The following NES variants were observed in gnomAD, a reference collection of about 807,000 sequenced individuals.
NES encodes the protein nestin.
Under a neutral mutation model 35.6 loss-of-function variants are expected in NES, and 27 were observed. That is an observed-to-expected ratio of 0.76 (90% CI 0.56 to 1.04). The LOEUF is 1.04. Among genes scored for constraint, NES ranks in the 50% least tolerant of loss-of-function variants. NES has a pLI of 0.00. For missense variants in NES, 1,867 were observed against 1,983.6 expected (o/e 0.94, Z 1.12); for synonymous variants, 822 against 824.2 (o/e 1.00, Z 0.04).
rs768658427 is a variant in NES at position 156,669,741 on chromosome 1, T to C, written c.4447A>G (p.Thr1483Ala). The change falls in exon 4 of 4, where the codon ACT becomes GCT. Residue 1483 changes from threonine (T) to alanine (A), a missense_variant. Thr to Ala is a moderately conservative substitution (Grantham distance 58). Transcript: ENST00000368223. ...TCCTGGGACTCCGTTTCCAGGGCAG[T>C]CTTGGGGGCACCAGCCACTGCACCC... Reference protein sequence around the residue: ...LRGAVAGAPKTALETESQDSA... With the variant: ...LRGAVAGAPKAALETESQDSA... 1.9e-6 allele frequency: 3 copies of C among 1,613,974 alleles called. No individual in the cohort carries two copies. The highest frequency in any genetic ancestry group is 1.7e-5 in the Admixed American group (1 of 60,018).
At position 156,670,662 on chromosome 1, in the gene NES, C is replaced by T. The variant is rs762255372; in HGVS notation, c.3526G>A (p.Glu1176Lys). The change falls in exon 4 of 4, where the codon GAG becomes AAG. Residue 1176 changes from glutamate to lysine, a missense_variant. Physicochemically the swap from Glu to Lys is moderately conservative, Grantham distance 56. Coordinates refer to ENST00000368223, the MANE Select transcript of NES (RefSeq NM_006617.2). ...TCTGCTCCCCTGGGGGCCTCAGCCTCTGACTCCTCCCTACCCTCCCTGGGA... is the reference window on the plus strand; with the variant it reads ...TCTGCTCCCCTGGGGGCCTCAGCCTTTGACTCCTCCCTACCCTCCCTGGGA... ...EPPREGREES[E>K]AEAPRGAEEA... 3 of 1,613,772 alleles carry T rather than the reference C, an allele frequency of 1.9e-6. No individual in the cohort carries two copies. The highest frequency in any genetic ancestry group is 2.2e-5 in the South Asian group (2 of 91,082).
Position 156,669,897 on chromosome 1 carries a change from C to A in NES, c.4291G>T (p.Glu1431Ter). Residue 1431 changes from glutamate (E) to a stop codon, truncating the protein, a stop_gained, in exon 4 of 4, where the codon GAG (glutamate) becomes TAG (stop). Coordinates refer to ENST00000368223, the MANE Select transcript of NES (RefSeq NM_006617.2). LOFTEE classifies it low-confidence loss of function (END_TRUNC). ...GGCCCCCACCGCCCAGCCCCTGGCT[C>A]CCTCCCCTCCTCCTGATCCTCCTCT... ...EGEEDQEEGR[E>*]PGAGRWGPGS... 6.2e-7 allele frequency: 1 copy of A among 1,608,790 alleles called. No homozygotes were observed. Among genetic ancestry groups the A allele is most frequent in the Non-Finnish European group, 8.5e-7 (1 of 1,175,532 alleles).
chr1:156,670,865 AGCCCT>A lies in NES; in HGVS notation c.3318_3322del (p.Leu1108GlyfsTer32). 3.7e-6 allele frequency: 3 copies of A among 808,862 alleles called. No homozygotes were observed. Among genetic ancestry groups the A allele is most frequent in the Non-Finnish European group, 6.0e-6 (3 of 500,690 alleles). The allele number at this position is 808,862 out of a possible 1,614,324, so 50.1% of individuals were successfully genotyped here. On this transcript the variant is annotated frameshift_variant, in exon 4 of 4. Coordinates refer to ENST00000368223, the MANE Select transcript of NES (RefSeq NM_006617.2). LOFTEE classifies it low-confidence loss of function (END_TRUNC). ...CCTGGTCAGATGGCCTGGGTCCCCCAGCCCTCCCACCCCCTGCCCCGGGCCTGGCT... is the reference window on the plus strand; with the variant it reads ...CCTGGTCAGATGGCCTGGGTCCCCCACCCACCCCCTGCCCCGGGCCTGGCT...
At position 156,676,425 on chromosome 1, in the gene NES, A is replaced by T. The variant is rs1647291539; in HGVS notation, c.783+57T>A. On this transcript the variant is annotated intron_variant, in intron 1 of 3. Transcript: ENST00000368223. The surrounding 1 kb of genome is among the most constrained non-coding windows in gnomAD (Gnocchi z 5.3). ...TCCCAGAAGGTCTCTGAGCTTCATA[A>T]GGGACTTTCTGGAGCTTTCTGGGAC... is the stretch of plus-strand genomic sequence containing the variant. 6.4e-7 allele frequency: 1 copy of T among 1,564,158 alleles called. No homozygotes were observed. Among genetic ancestry groups the T allele is most frequent in the African/African-American group, 1.4e-5 (1 of 73,962 alleles).
rs776547016 is a variant in NES, at chr1:156,676,561, A to T, written c.704T>A (p.Leu235His). The T allele has an allele frequency of 6.3e-7, 1 of 1,591,936 alleles. No individual in the cohort carries two copies. Among genetic ancestry groups the T allele is most frequent in the Non-Finnish European group, 8.5e-7 (1 of 1,176,796 alleles). The change falls in exon 1 of 4, where the codon CTC becomes CAC. Residue 235 changes from leucine (L) to histidine (H), a missense_variant. Transcript: ENST00000368223. The surrounding 1 kb of genome is among the most constrained non-coding windows in gnomAD (Gnocchi z 5.3). ...TTCCAACGCTGCCCTGCGCTCCAGG[A>T]GGCCTCCGCGCTCAGCCTGGAGCTG... ...LQQLQAERGG[L>H]LERRAALEQR...
rs1351607063 is a variant in NES, at chr1:156,669,190, GCCT to G, written c.*129_*131del. The G allele has an allele frequency of 2.2e-5, 13 of 596,106 alleles. No individual in the cohort carries two copies. In the South Asian group the frequency reaches 4.4e-4, roughly 20 times the overall value. The allele number at this position is 596,106 out of a possible 1,614,324, so 36.9% of individuals were successfully genotyped here. ...ACCCCTTTTCACCTTAGCGGGCCAG[GCCT>G]CTCAGCCAGAAACCATATGTCAAGA... On this transcript the variant is annotated 3_prime_UTR_variant, in exon 4 of 4. Transcript: ENST00000368223.
rs1388131705 is a variant in NES at position 156,672,141 on chromosome 1, C to T, written c.2047G>A (p.Val683Ile). The T allele has an allele frequency of 6.2e-7, 1 of 1,612,154 alleles. No homozygotes were observed. Residue 683 changes from valine to isoleucine, a missense_variant, in exon 4 of 4, where the codon GTA becomes ATA. Physicochemically the swap from Val to Ile is conservative, Grantham distance 29 (BLOSUM62 3). Coordinates refer to ENST00000368223, the MANE Select transcript of NES (RefSeq NM_006617.2). ...GGTCTCAGTGCCTCCTCATCCCCTACTTCTGGAGATCTCAGTGGCTCTTGA... is the reference window on the plus strand; with the variant it reads ...GGTCTCAGTGCCTCCTCATCCCCTATTTCTGGAGATCTCAGTGGCTCTTGA... ...ENQEPLRSPE[V>I]GDEEALRPLT...
rs760544414 is a variant in NES at position 156,670,289 on chromosome 1, G to A, written c.3899C>T (p.Pro1300Leu). The A allele has an allele frequency of 1.9e-6, 3 of 1,611,732 alleles. No individual in the cohort carries two copies. Among genetic ancestry groups the A allele is most frequent in the East Asian group, 2.2e-5 (1 of 44,852 alleles). ...ELGETLPDSTPLGFYLRSPTS... is the reference protein window; with the variant it reads ...ELGETLPDSTLLGFYLRSPTS... Reference sequence around the variant, plus strand: ...GGGGGACCTGAGGTAGAAGCCCAGGGGAGTGGAGTCTGGAAGGGTCTCCCC... The same window carrying A: ...GGGGGACCTGAGGTAGAAGCCCAGGAGAGTGGAGTCTGGAAGGGTCTCCCC... The change falls in exon 4 of 4, where the codon CCC becomes CTC. Residue 1300 changes from proline to leucine, a missense_variant. By Grantham distance (98) the Pro-to-Leu change is moderately conservative. Coordinates refer to ENST00000368223, the MANE Select transcript of NES (RefSeq NM_006617.2).
Position 156,669,630 on chromosome 1 carries a change from G to T in NES, c.4558C>A (p.Pro1520Thr). The change falls in exon 4 of 4, where the codon CCC becomes ACC. Residue 1520 changes from proline to threonine, a missense_variant. Pro to Thr is a conservative substitution (Grantham distance 38, BLOSUM62 -1). Coordinates refer to ENST00000368223, the MANE Select transcript of NES (RefSeq NM_006617.2). ...GGGCCTGCATCCTCCATCCCACTGG[G>T]GATCTCTAGAGGGCCAGGGACTTTG... Reference protein sequence around the residue: ...EDKVPGPLEIPSGMEDAGPGA... With the variant: ...EDKVPGPLEITSGMEDAGPGA... 6.2e-7 allele frequency: 1 copy of T among 1,614,054 alleles called. No homozygotes were observed. Among genetic ancestry groups the T allele is most frequent in the South Asian group, 1.1e-5 (1 of 91,080 alleles).
chr1:156,671,208 C>T lies in NES; in HGVS notation c.2980G>A (p.Val994Met), dbSNP rs1679723019. The T allele has an allele frequency of 6.2e-7, 1 of 1,614,158 alleles. No individual in the cohort carries two copies. Among genetic ancestry groups the T allele is most frequent in the Non-Finnish European group, 8.5e-7 (1 of 1,180,046 alleles). The part of the protein sequence containing the change: ...EQDGFTGKEE[V>M]VEQGELNATE... ...GCATTCAGCTCTCCCTGCTCTACCA[C>T]CTCCTCCTTCCCAGTGAAGCCATCC... Residue 994 changes from valine to methionine, a missense_variant, in exon 4 of 4, where the codon GTG becomes ATG. Val to Met is a conservative substitution (Grantham distance 21). Transcript: ENST00000368223.
Position 156,670,867 on chromosome 1 carries a change from C to G in NES, c.3321G>C (p.Gly1107=). 1 of 1,601,732 alleles carries G rather than the reference C, an allele frequency of 6.2e-7. No individual in the cohort carries two copies. Among genetic ancestry groups the G allele is most frequent in the Non-Finnish European group, 8.5e-7 (1 of 1,170,202 alleles). ...TGGTCAGATGGCCTGGGTCCCCCAG[C>G]CCTCCCACCCCCTGCCCCGGGCCTG... The part of the protein sequence containing the change: ...AEPGPGQGVG[G]LGDPGHLTRE... The change falls in exon 4 of 4, where the codon GGG becomes GGC. Residue 1107 remains glycine (G), a synonymous_variant. Transcript: ENST00000368223.
rs1439849888 is a variant in NES, at chr1:156,670,983, C to T, written c.3205G>A (p.Asp1069Asn). The T allele has an allele frequency of 6.2e-7, 1 of 1,610,810 alleles. No homozygotes were observed. Among genetic ancestry groups the T allele is most frequent in the Non-Finnish European group, 8.5e-7 (1 of 1,178,896 alleles). The change falls in exon 4 of 4, where the codon GAT becomes AAT. Residue 1069 changes from aspartate (D) to asparagine (N), a missense_variant. Asp to Asn is a conservative substitution (Grantham distance 23). Transcript: ENST00000368223. ...LPEAIEPLVEDDVAPGGDQAS... is the reference protein window; with the variant it reads ...LPEAIEPLVENDVAPGGDQAS... Reference sequence around the variant, plus strand: ...TGGTCACCCCCTGGGGCCACATCATCTTCCACCAGGGGCTCTATCGCCTCT... The same window carrying T: ...TGGTCACCCCCTGGGGCCACATCATTTTCCACCAGGGGCTCTATCGCCTCT...
At chr1:156,675,074 G>T in intron 2 of NES, 142 bp downstream of exon 2, 1 of 1,054,718 alleles carries the variant, frequency 9.5e-7, no homozygotes, top group Non-Finnish European at 1.4e-6. Context: ...GTTCCGGTGT[G>T]GAAGTGACCA....
chr1:156,670,144 T>C lies in NES; in HGVS notation c.4044A>G (p.Glu1348=). ...ASEGLEAPPS[E]KEEGEEGEEE... The stretch of plus-strand genomic sequence containing the variant: ...CTTCTCCCTCCTCCCCCTCCTCCTT[T>C]TCTGAGGGTGGGGCCTCAAGGCCCT... The change falls in exon 4 of 4, where the codon GAA becomes GAG. Residue 1348 remains glutamate (E), a synonymous_variant. Transcript: ENST00000368223. 6.2e-7 allele frequency: 1 copy of C among 1,613,998 alleles called. No homozygotes were observed.
rs369905712 is a variant in NES, at chr1:156,673,164, G to A, written c.1024C>T (p.Arg342Trp). Reference protein sequence around the residue: ...ELQFPRTPEGRRLGSLLPVLS... With the variant: ...ELQFPRTPEGWRLGSLLPVLS... ...ACTGGGAGCAAAGATCCAAGACGCC[G>A]GCCCTCTGGGGTCCTAGGGAATTGC... is the stretch of plus-strand genomic sequence containing the variant. Residue 342 changes from arginine to tryptophan, a missense_variant, in exon 4 of 4, where the codon CGG (arginine) becomes TGG (tryptophan). By Grantham distance (101) the Arg-to-Trp change is moderately radical. Coordinates refer to ENST00000368223, the MANE Select transcript of NES (RefSeq NM_006617.2). 8.5e-6 allele frequency: 13 copies of A among 1,533,504 alleles called. No individual in the cohort carries two copies. The highest frequency in any genetic ancestry group is 8.3e-5 in the African/African-American group (6 of 72,268). 95.0% of individuals were successfully genotyped at this position (1,533,504 alleles called of 1,614,324 possible).
rs926791868 is a variant in NES at position 156,677,373 on chromosome 1, C to T, written c.-109G>A. On this transcript the variant is annotated 5_prime_UTR_variant, in exon 1 of 4. Transcript: ENST00000368223. The surrounding 1 kb of genome is among the most constrained non-coding windows in gnomAD (Gnocchi z 4.5). Reference sequence around the variant, plus strand: ...GAAAAGAGACCGACGGGGACAATGACGGGGCGGGGCGGGGTGGGAGTAGCC... The same window carrying T: ...GAAAAGAGACCGACGGGGACAATGATGGGGCGGGGCGGGGTGGGAGTAGCC... 2.2e-5 allele frequency: 4 copies of T among 183,994 alleles called. No homozygotes were observed. The highest frequency in any genetic ancestry group is 4.1e-5 in the African/African-American group (1 of 24,274). The allele number at this position is 183,994 out of a possible 1,614,324, so 11.4% of individuals were successfully genotyped here.
chr1:156,676,812 C>A lies in NES; in HGVS notation c.453G>T (p.Leu151=). The stretch of plus-strand genomic sequence containing the variant: ...GGGGGGCACAGGCAGCCTGCGCGTT[C>A]AGGCCGACGCGCTCCTCCTCGTGCG... ...RVAHEEERVG[L]NAQAACAPRC... is the part of the protein sequence containing the mutation. Residue 151 remains leucine (L), a synonymous_variant, in exon 1 of 4, where the codon CTG becomes CTT. Coordinates refer to ENST00000368223, the MANE Select transcript of NES (RefSeq NM_006617.2). This position sits in a 1 kb window ranked among gnomAD's most constrained non-coding sequence, Gnocchi z 5.3. The A allele has an allele frequency of 7.0e-7, 1 of 1,422,530 alleles. No homozygotes were observed. The highest frequency in any genetic ancestry group is 9.1e-7 in the Non-Finnish European group (1 of 1,101,666). The allele number at this position is 1,422,530 out of a possible 1,614,324, so 88.1% of individuals were successfully genotyped here. A position where few individuals can be genotyped will look rare whatever the true frequency, so the allele number is the denominator to read the frequency against.
chr1:156,673,842 C>T (rs1679787697), intron 2 of NES, among the ~76,000 whole-genome samples: 1 of 152,166 alleles, frequency 6.6e-6, no homozygotes, highest in Non-Finnish European at 1.5e-5. Flanking sequence ...GCCTCCTCCT[C>T]CCACCCCAGG....
Position 156,672,524 on chromosome 1 carries a change from T to TCTTG in NES, c.1660_1663dup (p.Glu555AlafsTer13). On this transcript the variant is annotated frameshift_variant, in exon 4 of 4. Transcript: ENST00000368223. LOFTEE classifies it low-confidence loss of function (END_TRUNC). ...CTGGTTTTCCAGAGTCTTCAGTGAC[T>TCTTG]CTTGAATCTCCTCTCCCAGAGACTT... The TCTTG allele has an allele frequency of 6.2e-7, 1 of 1,613,892 alleles. No homozygotes were observed.
Sources: allele counts gnomAD v4.1 joint callset (sites outside exome capture counted in the v4.1 genomes callset), GRCh38; gene constraint gnomAD v4.1.1; non-coding constraint Gnocchi (gnomAD v3.1); transcripts MANE v1.5; gene names NCBI Gene and HGNC (gene_info 2026-07-23, HGNC 2026-07-21).